Variants in FIGLA observed in about 807,000 individuals in gnomAD.
FIGLA encodes folliculogenesis specific bHLH transcription factor.
Under a neutral mutation model 21.5 loss-of-function variants are expected in FIGLA, and 17 were observed. The observed-to-expected ratio is 0.79, with a 90% CI of 0.54 to 1.19. FIGLA has a LOEUF of 1.19. Among genes scored for constraint, FIGLA ranks in the 50% most tolerant of loss-of-function variants. The probability of loss-of-function intolerance (pLI) is 0.00; values close to 1 mark genes in which losing one functional copy is unlikely to be tolerated. For missense variants in FIGLA, 282 were observed against 285.0 expected (o/e 0.99, Z 0.08); for synonymous variants, 129 against 117.6 (o/e 1.10, Z -0.63).
At chr2:70,785,666 A>C in intron 2 of FIGLA, 27 bp from the exon 3 acceptor site, 1 of 1,549,350 alleles carries the variant, frequency 6.5e-7, no homozygotes, top group Non-Finnish European at 8.9e-7. Flanking sequence ...GTTGTCAAAC[A>C]GTATAATATG....
intron 3 of FIGLA, among the ~76,000 whole-genome samples, chr2:70,779,257 T>C (rs2024454): frequency 0.69 from 104,427 of 152,050 alleles, 37,198 homozygotes; most frequent in East Asian, 0.91. Context: ...CCCCATTAAA[T>C]GGGAAACAAC....
intron 3 of FIGLA, among the ~76,000 whole-genome samples, chr2:70,784,797 C>A (rs1269106918): frequency 2.6e-5 from 4 of 152,164 alleles, no homozygotes; most frequent in Non-Finnish European, 5.9e-5. Flanking sequence ...TACCAGTTCA[C>A]AGCAAGGGCA....
At chr2:70,785,324 C>G in intron 3 of FIGLA, 91 bp downstream of exon 3, 3 of 1,077,084 alleles carry the variant, frequency 2.8e-6, no homozygotes, top group Non-Finnish European at 4.1e-6. Context: ...TTGTTTTAAT[C>G]ATGTTTTAGC....
At chr2:70,777,801 A>T (rs1239079482) in intron 3 of FIGLA, 130 bp from the exon 4 acceptor site, 1 of 483,824 alleles carries the variant, frequency 2.1e-6, no homozygotes, top group Admixed American at 3.8e-5. Context: ...TCACATAAAC[A>T]TGCCAGTGAT....
At chr2:70,784,371 G>A in intron 3 of FIGLA, among the ~76,000 whole-genome samples, 1 of 152,220 alleles carries the variant, frequency 6.6e-6, no homozygotes, top group Non-Finnish European at 1.5e-5. Context: ...TGAGTCAAGA[G>A]AAGTTGGTAT....
intron 1 of FIGLA, among the ~76,000 whole-genome samples, chr2:70,789,387 G>A (rs1676015695): frequency 6.6e-6 from 1 of 152,038 alleles, no homozygotes; most frequent in Admixed American, 6.5e-5. Flanking sequence ...TGGTGGGAAG[G>A]ACCACTTAAA....
intron 3 of FIGLA, among the ~76,000 whole-genome samples, chr2:70,780,954 C>T (rs528379951): frequency 5.9e-5 from 9 of 152,054 alleles, no homozygotes; most frequent in African/African-American, 1.2e-4. Flanking sequence ...AGGATGAGAA[C>T]GGCAGCCCCA....
At chr2:70,787,861 A>AGCTTGGGG in intron 1 of FIGLA, 60 bp from the exon 2 acceptor site, 1 of 1,548,848 alleles carries the variant, frequency 6.5e-7, no homozygotes, top group South Asian at 1.2e-5. Flanking sequence ...ACATCTCCCC[A>AGCTTGGGG]AGCTACAGAA....
rs1553389775 is a variant in FIGLA at position 70,785,417 on chromosome 2, G to T, written c.607C>A (p.Leu203Met). The part of the protein sequence containing the change: ...TTEIISPTRS[L>M]DRFPEVELLS... ...GTATTTAAGAAGGAATATTTTACCA[G>T]ACTTCTGGTTGGGGAGATAATTTCA... Residue 203 changes from leucine to methionine, a missense_variant and splice_region_variant, in exon 3 of 5, where the codon CTG (leucine) becomes ATG (methionine). Coordinates refer to ENST00000332372, the MANE Select transcript of FIGLA (RefSeq NM_001004311.3). 1.9e-6 allele frequency: 3 copies of T among 1,608,824 alleles called. No homozygotes were observed. The highest frequency in any genetic ancestry group is 2.6e-6 in the Non-Finnish European group (3 of 1,175,626).
rs115935288 is a variant in FIGLA at position 70,779,344 on chromosome 2, G to C, written c.610-1673C>G. On this transcript the variant is annotated intron_variant, in intron 3 of 4. Coordinates refer to ENST00000332372, the MANE Select transcript of FIGLA (RefSeq NM_001004311.3). Reference sequence around the variant, plus strand: ...TTGGTGAACCCCAGGGCAGATGACTGTGCTTCTCAAGCAAAGCGAGACCCA... The same window carrying C: ...TTGGTGAACCCCAGGGCAGATGACTCTGCTTCTCAAGCAAAGCGAGACCCA... 5.1e-3 allele frequency among the ~76,000 whole-genome samples: 784 copies of C among 152,268 alleles called. 7 individuals carry two copies. The highest frequency in any genetic ancestry group is 0.017 in the African/African-American group (720 of 41,540).
chr2:70,790,635 C>A lies in FIGLA; in HGVS notation c.4G>T (p.Asp2Tyr). The A allele has an allele frequency of 7.2e-7, 1 of 1,383,842 alleles. No homozygotes were observed. The highest frequency in any genetic ancestry group is 9.3e-7 in the Non-Finnish European group (1 of 1,075,314). The allele number at this position is 1,383,842 out of a possible 1,614,324, so 85.7% of individuals were successfully genotyped here. ...GGATCTAGGACGCCGGGCGCGGGGT[C>A]CATGGCAGGGCCGAGGCCGCTGAGG... is the stretch of plus-strand genomic sequence containing the variant. M[D>Y]PAPGVLDPRA... The change falls in exon 1 of 5, where the codon GAC (aspartate) becomes TAC (tyrosine). Residue 2 changes from aspartate (D) to tyrosine (Y), a missense_variant. Transcript: ENST00000332372.
At chr2:70,782,459 G>A (rs1675872622) in intron 3 of FIGLA, among the ~76,000 whole-genome samples, 1 of 152,312 alleles carries the variant, frequency 6.6e-6, no homozygotes, top group South Asian at 2.1e-4. Context: ...CAGACTGAAG[G>A]AGCCATGGCA....
chr2:70,786,065 A>T (rs1246906862), intron 2 of FIGLA, among the ~76,000 whole-genome samples: 3 of 152,178 alleles, frequency 2.0e-5, no homozygotes, highest in Non-Finnish European at 4.4e-5. Flanking sequence ...GGACTAATGG[A>T]GAAGAAAAAA....
intron 3 of FIGLA, among the ~76,000 whole-genome samples, chr2:70,783,859 G>A (rs181132760): frequency 3.2e-4 from 48 of 152,132 alleles, no homozygotes; most frequent in Non-Finnish European, 5.9e-4. Context: ...CCGCCACCAC[G>A]CCTGATTTTT....
At chr2:70,781,599 T>C (rs1553389147) in intron 3 of FIGLA, among the ~76,000 whole-genome samples, 1 of 152,212 alleles carries the variant, frequency 6.6e-6, no homozygotes, top group East Asian at 1.9e-4. Flanking sequence ...ACACCACAGA[T>C]GACTACTCAG....
At chr2:70,785,248 G>GAAACA (rs1315869099) in intron 3 of FIGLA, among the ~76,000 whole-genome samples, 167 bp downstream of exon 3, 1 of 152,094 alleles carries the variant, frequency 6.6e-6, no homozygotes, top group African/African-American at 2.4e-5. Context: ...AGTTAATTTA[G>GAAACA]AAACAAAATA....
chr2:70,783,932 C>T (rs185576081), intron 3 of FIGLA, among the ~76,000 whole-genome samples: 6 of 152,154 alleles, frequency 3.9e-5, no homozygotes, highest in African/African-American at 1.4e-4. Flanking sequence ...TCAGGTGATC[C>T]GCCCACCTCG....
rs374515841 is a variant in FIGLA, at chr2:70,785,439, T to C, written c.585A>G (p.Glu195=). The C allele has an allele frequency of 8.4e-5, 135 of 1,612,100 alleles. No individual in the cohort carries two copies. In the South Asian group the frequency reaches 1.3e-3, roughly 15 times the overall value. ...ACRHSVMSTT[E]IISPTRSLDR... ...CCAGACTTCTGGTTGGGGAGATAAT[T>C]TCAGTCGTAGACATCACACTGTGGC... The change falls in exon 3 of 5, where the codon GAA becomes GAG. Residue 195 remains glutamate (E), a synonymous_variant. Transcript: ENST00000332372.
rs1333758581 is a variant in FIGLA, at chr2:70,779,072, G to A, written c.610-1401C>T. Among the ~76,000 whole-genome samples the A allele has an allele frequency of 2.6e-5, 4 of 152,142 alleles. No individual in the cohort carries two copies. The East Asian group carries it at 7.7e-4, about 29-fold the overall frequency. Reference sequence around the variant, plus strand: ...CAGCACCAGCCCCTAAATCCCCAAAGTATAGAGAGCACAGTAAAATCCCAG... The same window carrying A: ...CAGCACCAGCCCCTAAATCCCCAAAATATAGAGAGCACAGTAAAATCCCAG... On this transcript the variant is annotated intron_variant, in intron 3 of 4. Transcript: ENST00000332372.
Sources: allele counts gnomAD v4.1 joint callset (sites outside exome capture counted in the v4.1 genomes callset), GRCh38; gene constraint gnomAD v4.1.1; transcripts MANE v1.5; gene names NCBI Gene and HGNC (gene_info 2026-07-23, HGNC 2026-07-21).